The following PKHD1L1 variants were observed in gnomAD, a reference collection of about 807,000 sequenced individuals.
PKHD1L1 encodes fibrocystin-L.
Under a neutral mutation model 462.9 loss-of-function variants are expected in PKHD1L1, and 434 were observed. The ratio of observed to expected loss-of-function variants is 0.94; its 90% confidence interval spans 0.87 to 1.02. The LOEUF (loss-of-function observed/expected upper bound fraction) is 1.02, where lower values mean the gene tolerates loss of function less well. Ranked by LOEUF, PKHD1L1 falls within the 50% of genes least tolerant of loss-of-function variation. The pLI is 0.00. For synonymous variants in PKHD1L1, 1,781 were observed against 1,750.0 expected, an observed-to-expected ratio of 1.02 and a Z score of -0.44; for missense variants, 5,202 against 5,096.1, an observed-to-expected ratio of 1.02 and a Z score of -0.63.
chr8:109,442,199 T>A lies in PKHD1L1; in HGVS notation c.4393+4T>A, dbSNP rs1815834986. On this transcript the variant is annotated splice_donor_region_variant and intron_variant, in intron 35 of 77. Coordinates refer to ENST00000378402, the MANE Select transcript of PKHD1L1 (RefSeq NM_177531.6). ...GGAAGACAAAAATCTACATCAGGTATGTTTCTGCTTATTGGGTTTTGCATC... is the reference window on the plus strand; with the variant it reads ...GGAAGACAAAAATCTACATCAGGTAAGTTTCTGCTTATTGGGTTTTGCATC... 1 of 1,601,298 alleles carries A rather than the reference T, an allele frequency of 6.2e-7. No homozygotes were observed. Among genetic ancestry groups the A allele is most frequent in the East Asian group, 2.2e-5 (1 of 44,554 alleles).
Position 109,448,184 on chromosome 8 carries a change from G to C in PKHD1L1, c.5818G>C (p.Gly1940Arg). The change falls in exon 39 of 78, where the codon GGC (glycine) becomes CGC (arginine). Residue 1940 changes from glycine (G) to arginine (R), a missense_variant. Gly to Arg is a moderately radical substitution (Grantham distance 125). Coordinates refer to ENST00000378402, the MANE Select transcript of PKHD1L1 (RefSeq NM_177531.6). ...TEIEITGSNFGFEILEISVMI... is the reference protein window; with the variant it reads ...TEIEITGSNFRFEILEISVMI... ...AATTGAGATCACTGGATCCAACTTT[G>C]GCTTTGAGATCTTGGAAATCTCCGT... 6.2e-7 allele frequency: 1 copy of C among 1,610,330 alleles called. No homozygotes were observed. Among genetic ancestry groups the C allele is most frequent in the Non-Finnish European group, 8.5e-7 (1 of 1,178,346 alleles).
In PKHD1L1 at chr8:109,466,691, A is replaced by T. The variant is rs779179890; in HGVS notation, c.8527A>T (p.Ser2843Cys). 3 of 1,612,704 alleles carry T rather than the reference A, an allele frequency of 1.9e-6. No individual in the cohort carries two copies. ...TGGATCAGTCTGTGATGCTTCAGTCAGCTTTCACCGTTTAGCGTTCAACCA... is the reference window on the plus strand; with the variant it reads ...TGGATCAGTCTGTGATGCTTCAGTCTGCTTTCACCGTTTAGCGTTCAACCA... Reference protein sequence around the residue: ...FPGSVCDASVSFHRLAFNQPS... With the variant: ...FPGSVCDASVCFHRLAFNQPS... Residue 2843 changes from serine (S) to cysteine (C), a missense_variant, in exon 50 of 78, where the codon AGC (serine) becomes TGC (cysteine). By Grantham distance (112) the Ser-to-Cys change is moderately radical (BLOSUM62 -1). This residue lies in a region of PKHD1L1 where 4,497 missense variants were observed against 4,336.8 expected (regional missense o/e 1.04). Coordinates refer to ENST00000378402, the MANE Select transcript of PKHD1L1 (RefSeq NM_177531.6).
intron 65 of PKHD1L1, among the ~76,000 whole-genome samples, chr8:109,497,938 T>C (rs1324297446): frequency 6.6e-6 from 1 of 152,214 alleles, no homozygotes; most frequent in African/African-American, 2.4e-5. Flanking sequence ...ATTATTTACA[T>C]GTCTGTCTTC....
rs765450279 is a variant in PKHD1L1, at chr8:109,490,982, A to G, written c.9995A>G (p.His3332Arg). The change falls in exon 61 of 78, where the codon CAT becomes CGT. Residue 3332 changes from histidine (H) to arginine (R), a missense_variant. His to Arg is a conservative substitution (Grantham distance 29). Coordinates refer to ENST00000378402, the MANE Select transcript of PKHD1L1 (RefSeq NM_177531.6). ...TFLNLGQIQE[H>R]GSSYIRGCAF... ...CCCAATGTTGTATAGATTCAAGAAC[A>G]TGGCTCATCTTATATTCGAGGCTGT... 2.5e-6 allele frequency: 4 copies of G among 1,605,648 alleles called. No individual in the cohort carries two copies. The highest frequency in any genetic ancestry group is 1.7e-4 in the Middle Eastern group (1 of 6,034).
rs1267828477 is a variant in PKHD1L1 at position 109,535,069 on chromosome 8, T to C, written c.*4979T>C. Among the ~76,000 whole-genome samples the C allele has an allele frequency of 6.6e-6, 1 of 152,194 alleles. No individual in the cohort carries two copies. The highest frequency in any genetic ancestry group is 1.5e-5 in the Non-Finnish European group (1 of 68,038). ...CTGCTTTTTGAGATTAAGAAATCTTTTAAAAATATTACAGAAACTGCACTT... is the reference window on the plus strand; with the variant it reads ...CTGCTTTTTGAGATTAAGAAATCTTCTAAAAATATTACAGAAACTGCACTT... On this transcript the variant is annotated 3_prime_UTR_variant, in exon 78 of 78. Transcript: ENST00000378402.
At chr8:109,406,514 AC>A in intron 17 of PKHD1L1, 36 bp downstream of exon 17, 1 of 1,553,510 alleles carries the variant, frequency 6.4e-7, no homozygotes, top group Non-Finnish European at 8.7e-7. Context: ...TCTGTAGGAA[AC>A]AAATGTATAT....
intron 5 of PKHD1L1, among the ~76,000 whole-genome samples, 173 bp downstream of exon 5, chr8:109,384,300 A>G (rs1812320139): frequency 6.6e-6 from 1 of 152,110 alleles, no homozygotes; most frequent in Admixed American, 6.6e-5. Context: ...GCATTTGGGG[A>G]GGCCAAAATG....
chr8:109,468,972 G>A (rs1482945264), intron 50 of PKHD1L1, among the ~76,000 whole-genome samples: 1 of 152,030 alleles, frequency 6.6e-6, no homozygotes, highest in Non-Finnish European at 1.5e-5. Context: ...CTTCCTATAT[G>A]CAAACCAAAT....
At chr8:109,497,785 A>T (rs1819191659) in intron 65 of PKHD1L1, among the ~76,000 whole-genome samples, 1 of 129,784 alleles carries the variant, frequency 7.7e-6, no homozygotes, top group East Asian at 2.2e-4. Flanking sequence ...ATCACCTGCT[A>T]ATCTTGAAAT....
intron 34 of PKHD1L1, 90 bp from the exon 35 acceptor site, chr8:109,441,917 A>T: frequency 9.2e-7 from 1 of 1,089,486 alleles, no homozygotes; most frequent in Non-Finnish European, 1.2e-6. Flanking sequence ...TGTTTTCACT[A>T]CTGACTGTAT....
rs760550605 is a variant in PKHD1L1, at chr8:109,466,767, T to C, written c.8603T>C (p.Phe2868Ser). 2.5e-6 allele frequency: 4 copies of C among 1,609,646 alleles called. No individual in the cohort carries two copies. Among genetic ancestry groups the C allele is most frequent in the Non-Finnish European group, 3.4e-6 (4 of 1,178,000 alleles). ...AAGGATGTGGTTCTTTCAGACTCTT[T>C]TGGTAAGTGGAATATATTAGTTTAA... Reference protein sequence around the residue: ...LEKDVVLSDSFGTSIIPFQKK... With the variant: ...LEKDVVLSDSSGTSIIPFQKK... The change falls in exon 50 of 78, where the codon TTT becomes TCT. Residue 2868 changes from phenylalanine to serine, a missense_variant and splice_region_variant. Physicochemically the swap from Phe to Ser is radical, Grantham distance 155 (BLOSUM62 -2). Around this residue, in one of 3 missense-constraint regions of PKHD1L1, gnomAD observed 4,497 missense variants for 4,336.8 expected, o/e 1.04. Coordinates refer to ENST00000378402, the MANE Select transcript of PKHD1L1 (RefSeq NM_177531.6).
intron 39 of PKHD1L1, among the ~76,000 whole-genome samples, chr8:109,448,918 G>T (rs1464518372): frequency 6.6e-6 from 1 of 151,802 alleles, no homozygotes; most frequent in Non-Finnish European, 1.5e-5. Flanking sequence ...ATCATGTTTA[G>T]ACATCACTGG....
chr8:109,413,295 G>C, intron 20 of PKHD1L1, 126 bp from the exon 21 acceptor site: 1 of 630,162 alleles, frequency 1.6e-6, no homozygotes, highest in Non-Finnish European at 2.3e-6. Context: ...TTATTTCTCT[G>C]TGTTCTGGTA....
intron 68 of PKHD1L1, among the ~76,000 whole-genome samples, chr8:109,506,582 C>T (rs563556396): frequency 4.1e-4 from 63 of 152,304 alleles, no homozygotes; most frequent in Middle Eastern, 3.4e-3. Context: ...AAAGCCACAA[C>T]ATAAAAGACT....
chr8:109,381,346 AATT>A, intron 2 of PKHD1L1, 21 bp from the exon 3 acceptor site: 1 of 1,533,214 alleles, frequency 6.5e-7, no homozygotes, highest in Non-Finnish European at 8.9e-7. Context: ...CATTAATAAT[AATT>A]AAGTCTTCTT....
intron 23 of PKHD1L1, among the ~76,000 whole-genome samples, 153 bp downstream of exon 23, chr8:109,420,843 G>A (rs77196986): frequency 1.3e-5 from 2 of 151,950 alleles, no homozygotes; most frequent in Non-Finnish European, 2.9e-5. Flanking sequence ...TTGACTTTAA[G>A]TATTAAAAAA....
At chr8:109,413,836 T>C (rs978953920) in intron 21 of PKHD1L1, among the ~76,000 whole-genome samples, 19 of 152,134 alleles carry the variant, frequency 1.2e-4, no homozygotes, top group African/African-American at 4.6e-4. Context: ...ATTTAAATTA[T>C]GTATTACTAA....
intron 28 of PKHD1L1, 122 bp downstream of exon 28, chr8:109,433,338 A>G (rs1228009492): frequency 1.0e-5 from 9 of 862,414 alleles, no homozygotes; most frequent in Non-Finnish European, 1.5e-5. Context: ...TACAATTATC[A>G]TGATCCCTAT....
chr8:109,519,426 T>A (rs1032326673), intron 73 of PKHD1L1, among the ~76,000 whole-genome samples: 2 of 152,106 alleles, frequency 1.3e-5, no homozygotes, highest in Non-Finnish European at 2.9e-5. Flanking sequence ...TATCATCTTG[T>A]CTTCACAGCC....
Sources: allele counts gnomAD v4.1 joint callset (sites outside exome capture counted in the v4.1 genomes callset), GRCh38; gene constraint gnomAD v4.1.1; regional missense constraint gnomAD v4.1.1; transcripts MANE v1.5; gene names NCBI Gene and HGNC (gene_info 2026-07-23, HGNC 2026-07-21).